The following TTLL11 variants were observed in gnomAD, a reference collection of about 807,000 sequenced individuals.
The protein encoded by TTLL11 is tubulin tyrosine ligase like 11, also known as tubulin polyglutamylase TTLL11.
A neutral mutation model predicts 51.7 loss-of-function variants in TTLL11; 42 were observed. The ratio of observed to expected loss-of-function variants is 0.81; its 90% CI spans 0.64 to 1.05. The LOEUF (loss-of-function observed/expected upper bound fraction) is 1.05. Ranked by LOEUF, TTLL11 falls within the 50% of genes least tolerant of loss-of-function variation. The pLI is 0.00. For synonymous variants in TTLL11, 381 were observed against 383.5 expected (o/e 0.99, Z 0.08); for missense variants, 799 against 940.4 (o/e 0.85, Z 1.97).
intron 6 of TTLL11, among the ~76,000 whole-genome samples, chr9:121,878,509 C>T (rs1838654154): frequency 6.6e-6 from 1 of 152,164 alleles, no homozygotes; most frequent in African/African-American, 2.4e-5. Context: ...GGATGGATTC[C>T]CAGAGCTGCC....
intron 3 of TTLL11, among the ~76,000 whole-genome samples, chr9:122,006,142 C>T (rs1338092885): frequency 6.6e-6 from 1 of 152,074 alleles, no homozygotes; most frequent in Non-Finnish European, 1.5e-5. Context: ...GAGTTCGAGA[C>T]CAGCCTGGCC....
intron 6 of TTLL11, among the ~76,000 whole-genome samples, chr9:121,888,363 G>A (rs993832647): frequency 2.6e-5 from 4 of 152,216 alleles, no homozygotes; most frequent in Admixed American, 6.5e-5. Flanking sequence ...TTCTGGAGAT[G>A]GGAGGTGTGG....
At chr9:122,065,994 T>C (rs1356684710) in intron 1 of TTLL11, among the ~76,000 whole-genome samples, 1 of 152,102 alleles carries the variant, frequency 6.6e-6, no homozygotes, top group African/African-American at 2.4e-5. Context: ...TGGATTGAAT[T>C]ACAGTTTGGT....
intron 8 of TTLL11, among the ~76,000 whole-genome samples, chr9:121,841,985 A>G (rs12348475): frequency 0.059 from 9,028 of 152,136 alleles, 741 homozygotes; most frequent in African/African-American, 0.19. Flanking sequence ...TTCCAGCGAG[A>G]TGCAGAGCTC....
chr9:122,008,754 T>C lies in TTLL11; in HGVS notation c.694-18984A>G, dbSNP rs559790388. ...AGAGAGATCCGCACTCCCGTGCTTA[T>C]TGCAGCATGATTTGCGATAGCCAAG... On this transcript the variant is annotated intron_variant, in intron 3 of 8. Transcript: ENST00000321582. Among the ~76,000 whole-genome samples the C allele has an allele frequency of 2.0e-5, 3 of 152,388 alleles. No individual in the cohort carries two copies. In the East Asian group the frequency reaches 5.8e-4, roughly 29 times the overall value.
intron 3 of TTLL11, among the ~76,000 whole-genome samples, chr9:122,028,628 G>C (rs1454440171): frequency 6.6e-6 from 1 of 152,160 alleles, no homozygotes. Flanking sequence ...GAACTAGTAA[G>C]TAGTAAAGTA....
At chr9:121,924,002 C>T (rs1840629509) in intron 6 of TTLL11, among the ~76,000 whole-genome samples, 2 of 152,128 alleles carry the variant, frequency 1.3e-5, no homozygotes, top group Non-Finnish European at 2.9e-5. Flanking sequence ...TTTTGCTTGG[C>T]TCTCATTCTC....
At chr9:121,996,151 C>CT (rs1843253440) in intron 3 of TTLL11, among the ~76,000 whole-genome samples, 1 of 152,166 alleles carries the variant, frequency 6.6e-6, no homozygotes, top group African/African-American at 2.4e-5. Context: ...CTGGATGGTC[C>CT]TCCCTTCCTT....
At chr9:121,851,305 C>T (rs1444487908) in intron 8 of TTLL11, among the ~76,000 whole-genome samples, 1 of 152,086 alleles carries the variant, frequency 6.6e-6, no homozygotes, top group East Asian at 1.9e-4. Flanking sequence ...AAAGAGTGAA[C>T]CTTAATGCAA....
chr9:121,944,440 G>A (rs1056856756), intron 6 of TTLL11, among the ~76,000 whole-genome samples: 1 of 151,924 alleles, frequency 6.6e-6, no homozygotes, highest in Admixed American at 6.6e-5. Context: ...TCCAGGGGGC[G>A]GAGGTTGCAG....
intron 3 of TTLL11, among the ~76,000 whole-genome samples, chr9:122,010,803 G>T (rs561533913): frequency 1.1e-4 from 16 of 152,156 alleles, no homozygotes; most frequent in Admixed American, 1.3e-4. Flanking sequence ...CTCAAAATCA[G>T]AGTTGTAGTT....
intron 4 of TTLL11, among the ~76,000 whole-genome samples, chr9:121,976,535 A>G (rs1482094033): frequency 6.6e-6 from 1 of 152,216 alleles, no homozygotes; most frequent in Non-Finnish European, 1.5e-5. Flanking sequence ...GAGAATAAAG[A>G]GAAAAAAGAA....
At chr9:121,984,198 A>T (rs1014279968) in intron 4 of TTLL11, among the ~76,000 whole-genome samples, 31 of 152,114 alleles carry the variant, frequency 2.0e-4, no homozygotes, top group Admixed American at 1.3e-4. Flanking sequence ...CAGGCTAAGG[A>T]GATGGTTTTC....
chr9:122,037,497 C>A (rs1287297902), intron 2 of TTLL11, among the ~76,000 whole-genome samples: 2 of 152,006 alleles, frequency 1.3e-5, no homozygotes, highest in Non-Finnish European at 2.9e-5. Context: ...TAAAATGATC[C>A]CTGATTTGGT....
chr9:121,910,200 G>A (rs905217834), intron 6 of TTLL11, among the ~76,000 whole-genome samples: 1 of 152,222 alleles, frequency 6.6e-6, no homozygotes, highest in Non-Finnish European at 1.5e-5. Context: ...AGCAGCAATA[G>A]GTGTCCTGGG....
intron 2 of TTLL11, 54 bp from the exon 3 acceptor site, chr9:122,031,910 A>G: frequency 6.4e-7 from 1 of 1,566,344 alleles, no homozygotes. Flanking sequence ...CTAGCTATAA[A>G]ACAGCCATTA....
chr9:121,819,375 C>T lies in TTLL11; in HGVS notation c.*3212G>A, dbSNP rs1296652317. The T allele has an allele frequency of 6.6e-6, 1 of 152,272 alleles. No individual in the cohort carries two copies. The highest frequency in any genetic ancestry group is 1.5e-5 in the Non-Finnish European group (1 of 68,184). The allele number at this position is 152,272 out of a possible 1,614,324, so 9.4% of individuals were successfully genotyped here. Reference sequence around the variant, plus strand: ...ACACCCAAAGAAAGGGTAGGTGGGCCCAGTTCTGTGGGTCTGTCCTGTTCT... The same window carrying T: ...ACACCCAAAGAAAGGGTAGGTGGGCTCAGTTCTGTGGGTCTGTCCTGTTCT... On this transcript the variant is annotated 3_prime_UTR_variant, in exon 9 of 9. Coordinates refer to ENST00000321582, the MANE Select transcript of TTLL11 (RefSeq NM_001139442.2).
intron 6 of TTLL11, among the ~76,000 whole-genome samples, chr9:121,945,680 C>T (rs1841636845): frequency 6.6e-6 from 1 of 152,202 alleles, no homozygotes; most frequent in Non-Finnish European, 1.5e-5. Flanking sequence ...ATTTTCCAAA[C>T]TCACTCTACA....
intron 4 of TTLL11, among the ~76,000 whole-genome samples, chr9:121,983,825 AG>A (rs1478926582): frequency 6.6e-6 from 1 of 152,136 alleles, no homozygotes; most frequent in Non-Finnish European, 1.5e-5. Context: ...CCCTCAGAGC[AG>A]GGACCTTGTC....
Sources: gnomAD v4.1 joint callset for allele counts (sites outside exome capture counted in the v4.1 genomes callset) on GRCh38, gnomAD v4.1.1 for gene constraint, MANE v1.5 for transcripts, NCBI Gene and HGNC (gene_info 2026-07-23, HGNC 2026-07-21) for gene names.